The following SUGCT variants were observed in gnomAD, a reference collection of about 807,000 sequenced individuals.
SUGCT encodes succinyl-CoA:glutarate-CoA transferase.
SUGCT carries 41 observed loss-of-function variants against 55.0 expected under a neutral mutation model. The ratio of observed to expected loss-of-function variants is 0.74; its 90% CI spans 0.58 to 0.97. The LOEUF is 0.97. SUGCT is among the 50% of genes least tolerant of loss of function. The pLI is 0.00. For synonymous variants in SUGCT, 187 were observed against 200.4 expected, an observed-to-expected ratio of 0.93 and a Z score of 0.56; for missense variants, 568 against 547.8, an observed-to-expected ratio of 1.04 and a Z score of -0.37.
intron 9 of SUGCT, among the ~76,000 whole-genome samples, chr7:40,416,283 T>C (rs1267377041): frequency 1.3e-5 from 2 of 151,850 alleles, no homozygotes; most frequent in Non-Finnish European, 2.9e-5. Context: ...ACAGTTCCCT[T>C]ATGAACTTTA....
chr7:40,613,950 T>A (rs1372482584), intron 12 of SUGCT, among the ~76,000 whole-genome samples: 2 of 152,196 alleles, frequency 1.3e-5, no homozygotes. Context: ...TACTATGGGT[T>A]ACAGTTTGAA....
intron 12 of SUGCT, among the ~76,000 whole-genome samples, chr7:40,711,484 A>G (rs1283639469): frequency 6.6e-6 from 1 of 152,178 alleles, no homozygotes; most frequent in Non-Finnish European, 1.5e-5. Flanking sequence ...CCTGTGTGAC[A>G]GAGCAAGACT....
At chr7:40,773,320 G>A (rs1330275391) in intron 13 of SUGCT, among the ~76,000 whole-genome samples, 1 of 151,528 alleles carries the variant, frequency 6.6e-6, no homozygotes, top group Non-Finnish European at 1.5e-5. Context: ...GTAGAGAAGG[G>A]GTTTCACCAT....
rs1562728590 is a variant in SUGCT, at chr7:40,377,194, CTTTCT to C, written c.816+60357_816+60361del. Among the ~76,000 whole-genome samples the C allele has an allele frequency of 5.3e-3, 40 of 7,580 alleles. 15 individuals carry two copies. The highest frequency in any genetic ancestry group is 6.1e-3 in the Admixed American group (2 of 330). 5.0% of individuals were successfully genotyped at this position (7,580 alleles called of 152,430 possible). ...TCTTTCTTTCTTTCTTTCTTTCTTTCTTTCTTTTCTTTTCTTTTCTTTCTTTTCTT... is the reference window on the plus strand; with the variant it reads ...TCTTTCTTTCTTTCTTTCTTTCTTTCTTTCTTTTCTTTTCTTTCTTTTCTT... On this transcript the variant is annotated intron_variant, in intron 9 of 13. Transcript: ENST00000335693.
chr7:40,550,045 G>C (rs1795220114), intron 12 of SUGCT, among the ~76,000 whole-genome samples: 1 of 152,238 alleles, frequency 6.6e-6, no homozygotes, highest in African/African-American at 2.4e-5. Flanking sequence ...GAAGCTGAGA[G>C]AAGGGTTGGG....
the SUGCT span, among the ~76,000 whole-genome samples, chr7:40,868,132 C>T: frequency 2.7e-3 from 415 of 152,238 alleles, 3 homozygotes; most frequent in African/African-American, 9.5e-3. Context: ...CTCCTTCTTG[C>T]AAGAGATGCA....
Position 40,324,252 on chromosome 7 carries a change from A to AAT in SUGCT, c.816+7408_816+7409dup, listed in dbSNP as rs61431155. 7.6e-5 allele frequency among the ~76,000 whole-genome samples: 9 copies of AAT among 117,650 alleles called. 1 individual carries two copies. The highest frequency in any genetic ancestry group is 1.3e-4 in the Non-Finnish European group (8 of 60,408). 77.2% of individuals were successfully genotyped at this position (117,650 alleles called of 152,430 possible). A position where few individuals can be genotyped will look rare whatever the true frequency, so the allele number is the denominator to read the frequency against. On this transcript the variant is annotated intron_variant, in intron 9 of 13. Coordinates refer to ENST00000335693, the MANE Select transcript of SUGCT (RefSeq NM_001193313.2). Reference sequence around the variant, plus strand: ...ATATATATAAATAAATAAATAAATAAATATATATATATTTATTTTTTGAGA... The same window carrying AAT: ...ATATATATAAATAAATAAATAAATAAATATATATATATATTTATTTTTTGAGA...
At chr7:40,986,491 C>A in the SUGCT span, among the ~76,000 whole-genome samples, 1 of 152,142 alleles carries the variant, frequency 6.6e-6, no homozygotes, top group Non-Finnish European at 1.5e-5. Context: ...CTGACTATAA[C>A]CCTTAATGAG....
chr7:40,283,282 G>A (rs193263273), intron 8 of SUGCT, among the ~76,000 whole-genome samples: 3 of 150,324 alleles, frequency 2.0e-5, no homozygotes, highest in Admixed American at 1.3e-4. Context: ...AGGCTGGTGT[G>A]CAGTGGTGCC....
chr7:40,567,720 A>C (rs1796222579), intron 12 of SUGCT, among the ~76,000 whole-genome samples: 1 of 152,160 alleles, frequency 6.6e-6, no homozygotes, highest in Non-Finnish European at 1.5e-5. Context: ...ACATGTCACA[A>C]GTTTCTTTTC....
intron 13 of SUGCT, among the ~76,000 whole-genome samples, chr7:40,836,462 G>A (rs1283907281): frequency 2.0e-5 from 3 of 152,082 alleles, no homozygotes; most frequent in Admixed American, 1.3e-4. Flanking sequence ...AGTTTTATGC[G>A]ACTCATTGTG....
chr7:40,713,481 G>A (rs1307584730), intron 12 of SUGCT, among the ~76,000 whole-genome samples: 1 of 152,178 alleles, frequency 6.6e-6, no homozygotes, highest in Non-Finnish European at 1.5e-5. Flanking sequence ...TGGTCAGGGT[G>A]TTATCACAAG....
intron 9 of SUGCT, among the ~76,000 whole-genome samples, chr7:40,346,404 C>T (rs1797308580): frequency 6.6e-6 from 1 of 151,908 alleles, no homozygotes; most frequent in Admixed American, 6.6e-5. Context: ...ATTTTCTTTT[C>T]ATTCCTAACA....
chr7:40,873,747 TGGATATACAGAGA>T, the SUGCT span, among the ~76,000 whole-genome samples: 2 of 152,230 alleles, frequency 1.3e-5, no homozygotes, highest in Non-Finnish European at 2.9e-5. Flanking sequence ...TGTTAAGCTT[TGGATATACAGAGA>T]GGATTAGGAC....
At chr7:40,944,875 A>C in the SUGCT span, among the ~76,000 whole-genome samples, 2 of 152,292 alleles carry the variant, frequency 1.3e-5, no homozygotes, top group East Asian at 3.9e-4. Flanking sequence ...GGTGCTTTCA[A>C]GGGTGAAGAC....
At chr7:40,275,295 C>T (rs942651731) in intron 8 of SUGCT, among the ~76,000 whole-genome samples, 1 of 152,140 alleles carries the variant, frequency 6.6e-6, no homozygotes. Flanking sequence ...TTATGTGCCA[C>T]GAACCCCTTT....
At chr7:40,616,564 G>C (rs1445062131) in intron 12 of SUGCT, among the ~76,000 whole-genome samples, 1 of 152,220 alleles carries the variant, frequency 6.6e-6, no homozygotes, top group African/African-American at 2.4e-5. Flanking sequence ...AGTAAATGAT[G>C]CAATAGGAAT....
At chr7:40,564,018 A>C (rs1046258259) in intron 12 of SUGCT, among the ~76,000 whole-genome samples, 29 of 152,296 alleles carry the variant, frequency 1.9e-4, no homozygotes, top group Non-Finnish European at 1.3e-4. Context: ...CTAGAAGTAA[A>C]CATACCAAAA....
At chr7:40,642,630 A>G (rs1488810946) in intron 12 of SUGCT, among the ~76,000 whole-genome samples, 2 of 152,196 alleles carry the variant, frequency 1.3e-5, no homozygotes, top group Non-Finnish European at 2.9e-5. Flanking sequence ...GAATACTGGA[A>G]GGTAAGAGTC....
Sources: allele counts gnomAD v4.1 joint callset (sites outside exome capture counted in the v4.1 genomes callset), GRCh38; gene constraint gnomAD v4.1.1; transcripts MANE v1.5; gene names NCBI Gene and HGNC (gene_info 2026-07-23, HGNC 2026-07-21).